PTPRN2: variants seen among roughly 807,000 people sequenced by gnomAD.
The protein encoded by PTPRN2 is protein tyrosine phosphatase receptor type N2.
Under a neutral mutation model 118.8 loss-of-function variants are expected in PTPRN2, and 74 were observed. The observed-to-expected ratio is 0.62, with a 90% CI of 0.52 to 0.76. The LOEUF is 0.76. Among genes scored for constraint, PTPRN2 ranks in the 30% least tolerant of loss-of-function variants. PTPRN2 has a pLI of 0.00. For synonymous variants in PTPRN2, 641 were observed against 608.0 expected (o/e 1.05, Z -0.80); for missense variants, 1,481 against 1,394.4 (o/e 1.06, Z -0.99).
At chr7:157,846,358 G>A (rs775497837) in intron 12 of PTPRN2, among the ~76,000 whole-genome samples, 6 of 152,112 alleles carry the variant, frequency 3.9e-5, no homozygotes, top group African/African-American at 9.7e-5. Context: ...CTTCAGAGAC[G>A]TATTGAGAGA....
intron 11 of PTPRN2, among the ~76,000 whole-genome samples, chr7:157,941,182 A>C (rs374956157): frequency 2.2e-5 from 1 of 44,476 alleles, no homozygotes; most frequent in Non-Finnish European, 3.4e-5. Context: ...CCTCCCCACC[A>C]CGACACTGCA....
chr7:158,388,947 G>A (rs1456026408), intron 2 of PTPRN2, among the ~76,000 whole-genome samples: 2 of 152,228 alleles, frequency 1.3e-5, no homozygotes, highest in African/African-American at 4.8e-5. Context: ...GAGCTCAGCT[G>A]TGATCGATCT....
rs899577719 is a variant in PTPRN2, at chr7:157,923,378, T to C, written c.1724-24641A>G. Among the ~76,000 whole-genome samples, 7 of 152,304 alleles carry C rather than the reference T, an allele frequency of 4.6e-5. No individual in the cohort carries two copies. In the East Asian group the frequency reaches 9.7e-4, roughly 21 times the overall value. On this transcript the variant is annotated intron_variant, in intron 11 of 22. Transcript: ENST00000389418. ...CCAGCCCCCTGGGACCATCCAACCA[T>C]GCTCCACCTGCCTGAGCCTCGGGAA...
intron 2 of PTPRN2, among the ~76,000 whole-genome samples, chr7:158,444,969 C>T (rs556790244): frequency 5.3e-5 from 8 of 152,380 alleles, no homozygotes; most frequent in South Asian, 2.1e-4. Flanking sequence ...TGCCAGACCA[C>T]GGCCCTCTGC....
rs1432662407 is a variant in PTPRN2 at position 158,003,303 on chromosome 7, A to G, written c.1723+77995T>C. Among the ~76,000 whole-genome samples, 1 of 150,756 alleles carries G rather than the reference A, an allele frequency of 6.6e-6. No individual in the cohort carries two copies. Among genetic ancestry groups the G allele is most frequent in the Non-Finnish European group, 1.5e-5 (1 of 67,756 alleles). ...TTGGCGGGCGCCTGTAGTCCCAGCTACTTGGGAGGCTGAGGCAGGAGAATG... is the reference window on the plus strand; with the variant it reads ...TTGGCGGGCGCCTGTAGTCCCAGCTGCTTGGGAGGCTGAGGCAGGAGAATG... On this transcript the variant is annotated intron_variant, in intron 11 of 22. Coordinates refer to ENST00000389418, the MANE Select transcript of PTPRN2 (RefSeq NM_002847.5). The surrounding 1 kb of genome is among the most constrained non-coding windows in gnomAD (Gnocchi z 5.0).
At chr7:157,678,702 T>C (rs1364936445) in intron 13 of PTPRN2, among the ~76,000 whole-genome samples, 1 of 152,156 alleles carries the variant, frequency 6.6e-6, no homozygotes, top group African/African-American at 2.4e-5. Flanking sequence ...TGCTTTCCTC[T>C]GGGTTTGGTT....
intron 11 of PTPRN2, among the ~76,000 whole-genome samples, chr7:158,063,630 A>G (rs1810527229): frequency 6.6e-6 from 1 of 152,180 alleles, no homozygotes; most frequent in Non-Finnish European, 1.5e-5. Flanking sequence ...AACACTCACC[A>G]TGAAGGTCTG....
chr7:158,330,268 C>A lies in PTPRN2; in HGVS notation c.164-13336G>T, dbSNP rs1318614190. On this transcript the variant is annotated intron_variant, in intron 2 of 22. Transcript: ENST00000389418. ...ACACTCTCACCATAAGAGCTGACACCCGCAGACGTCACTCACACCCACACT... is the reference window on the plus strand; with the variant it reads ...ACACTCTCACCATAAGAGCTGACACACGCAGACGTCACTCACACCCACACT... Among the ~76,000 whole-genome samples the A allele has an allele frequency of 1.6e-4, 15 of 93,494 alleles. No homozygotes were observed. The East Asian group carries it at 3.2e-3, about 20-fold the overall frequency. 61.3% of individuals were successfully genotyped at this position (93,494 alleles called of 152,430 possible). A position where few individuals can be genotyped will look rare whatever the true frequency, so the allele number is the denominator to read the frequency against.
chr7:158,146,675 C>A (rs1225862352), intron 6 of PTPRN2, among the ~76,000 whole-genome samples: 2 of 146,862 alleles, frequency 1.4e-5, no homozygotes, highest in Non-Finnish European at 3.0e-5. Flanking sequence ...GAGCTGAGAT[C>A]GCGCCACTGC....
At chr7:158,052,679 C>T (rs1250738439) in intron 11 of PTPRN2, among the ~76,000 whole-genome samples, 4 of 151,226 alleles carry the variant, frequency 2.6e-5, no homozygotes, top group South Asian at 4.2e-4. Flanking sequence ...TAGAGGGGGG[C>T]GGCCACTGCT....
At chr7:158,362,331 T>C (rs2151294720) in intron 2 of PTPRN2, among the ~76,000 whole-genome samples, 1 of 152,324 alleles carries the variant, frequency 6.6e-6, no homozygotes, top group East Asian at 1.9e-4. Flanking sequence ...CCCGGCACTT[T>C]CCTCAGGCCA....
intron 12 of PTPRN2, among the ~76,000 whole-genome samples, chr7:157,766,772 G>T (rs1002553422): frequency 1.3e-5 from 2 of 152,238 alleles, no homozygotes; most frequent in African/African-American, 4.8e-5. Context: ...AAATCTCAGA[G>T]GCTGGGTGAG....
rs558033913 is a variant in PTPRN2, at chr7:157,567,414, G to A, written c.2902+1488C>T. On this transcript the variant is annotated intron_variant, in intron 21 of 22. Coordinates refer to ENST00000389418, the MANE Select transcript of PTPRN2 (RefSeq NM_002847.5). The stretch of plus-strand genomic sequence containing the variant: ...AGGATGCTGGCGGTGTTGGGTAGGT[G>A]TGGGGTGTGGGGCTGGGCTGCAGCC... Among the ~76,000 whole-genome samples, 58 of 152,338 alleles carry A rather than the reference G, an allele frequency of 3.8e-4. No individual in the cohort carries two copies. In the South Asian group the frequency reaches 4.6e-3, roughly 12 times the overall value.
In PTPRN2 at chr7:158,301,234, C is replaced by T. The variant is rs1424135772; in HGVS notation, c.277+15585G>A. The stretch of plus-strand genomic sequence containing the variant: ...GTATTTGCACTTTGCACGGGCCGTG[C>T]AAATTAAACAGACAGCATTGCAGGG... On this transcript the variant is annotated intron_variant, in intron 3 of 22. Coordinates refer to ENST00000389418, the MANE Select transcript of PTPRN2 (RefSeq NM_002847.5). Among the ~76,000 whole-genome samples the T allele has an allele frequency of 2.0e-5, 3 of 152,170 alleles. No homozygotes were observed. In the East Asian group the frequency reaches 5.8e-4, roughly 29 times the overall value.
intron 3 of PTPRN2, among the ~76,000 whole-genome samples, chr7:158,234,143 G>C (rs920922387): frequency 6.6e-5 from 10 of 151,956 alleles, no homozygotes; most frequent in Non-Finnish European, 1.3e-4. Flanking sequence ...AAGCTAAAAG[G>C]CTTCTGCACA....
intron 11 of PTPRN2, among the ~76,000 whole-genome samples, chr7:158,078,550 T>TC (rs1585364453): frequency 1.3e-5 from 2 of 152,370 alleles, no homozygotes; most frequent in East Asian, 3.9e-4. Context: ...TTCCCTGCTA[T>TC]CATGTCAGCC....
chr7:157,922,062 A>G (rs1798718600), intron 11 of PTPRN2, among the ~76,000 whole-genome samples: 1 of 152,232 alleles, frequency 6.6e-6, no homozygotes, highest in African/African-American at 2.4e-5. Context: ...AACAAAGGTT[A>G]AAAGTTGCTT....
intron 12 of PTPRN2, among the ~76,000 whole-genome samples, chr7:157,870,031 T>C (rs868832739): frequency 6.6e-6 from 1 of 152,276 alleles, no homozygotes; most frequent in South Asian, 2.1e-4. Context: ...GGTAAAGCCA[T>C]GTTTCCTCTC....
chr7:158,536,425 G>C (rs1825647700), intron 1 of PTPRN2, among the ~76,000 whole-genome samples: 1 of 151,848 alleles, frequency 6.6e-6, no homozygotes, highest in South Asian at 2.1e-4. Context: ...CTATAACCCA[G>C]ATGGGACTCA....
Sources: allele counts gnomAD v4.1 joint callset (sites outside exome capture counted in the v4.1 genomes callset), GRCh38; gene constraint gnomAD v4.1.1; non-coding constraint Gnocchi (gnomAD v3.1); transcripts MANE v1.5; gene names NCBI Gene and HGNC (gene_info 2026-07-23, HGNC 2026-07-21).